ZNF385B: variants seen among roughly 807,000 people sequenced by gnomAD.
ZNF385B encodes zinc finger protein 533.
Under a neutral mutation model 39.2 loss-of-function variants are expected in ZNF385B, and 23 were observed. That is an observed-to-expected ratio of 0.59 (90% confidence interval 0.42 to 0.83). The LOEUF is 0.83. ZNF385B is among the 40% of genes least tolerant of loss of function. The pLI, the probability that ZNF385B is intolerant of heterozygous loss-of-function variation, is 0.00. For missense variants in ZNF385B, 552 were observed against 598.9 expected (o/e 0.92, Z 0.82); for synonymous variants, 205 against 222.6 (o/e 0.92, Z 0.70).
intron 3 of ZNF385B, among the ~76,000 whole-genome samples, chr2:179,565,295 T>C (rs1684429234): frequency 6.6e-6 from 1 of 152,192 alleles, no homozygotes. Context: ...CCCAATTTTC[T>C]CAGCTCACAA....
At chr2:179,858,823 ACT>A (rs1684804016) in intron 1 of ZNF385B, among the ~76,000 whole-genome samples, 1 of 152,124 alleles carries the variant, frequency 6.6e-6, no homozygotes, top group Non-Finnish European at 1.5e-5. Flanking sequence ...GTGAACAAAG[ACT>A]CACTCCTGTA....
At chr2:179,829,397 C>T (rs956924556) in intron 1 of ZNF385B, among the ~76,000 whole-genome samples, 1 of 152,130 alleles carries the variant, frequency 6.6e-6, no homozygotes, top group Non-Finnish European at 1.5e-5. Flanking sequence ...TGACCTTACA[C>T]CTTTAACAAA....
At chr2:179,555,389 A>T (rs1197879704) in intron 3 of ZNF385B, among the ~76,000 whole-genome samples, 2 of 149,402 alleles carry the variant, frequency 1.3e-5, no homozygotes, top group African/African-American at 5.1e-5. Context: ...AGGATGCCAG[A>T]AATGTTCTTT....
intron 3 of ZNF385B, among the ~76,000 whole-genome samples, chr2:179,710,671 T>C (rs575229018): frequency 1.3e-5 from 2 of 152,314 alleles, no homozygotes; most frequent in South Asian, 4.2e-4. Context: ...TTCTTGTGTC[T>C]TGTTAAATGG....
At chr2:179,833,978 G>C (rs1165414671) in intron 1 of ZNF385B, among the ~76,000 whole-genome samples, 1 of 152,008 alleles carries the variant, frequency 6.6e-6, no homozygotes, top group East Asian at 1.9e-4. Flanking sequence ...ATTAGGGAGT[G>C]GGTTATTGTA....
intron 1 of ZNF385B, among the ~76,000 whole-genome samples, chr2:179,774,191 T>A (rs888515146): frequency 4.0e-5 from 6 of 151,522 alleles, no homozygotes; most frequent in Admixed American, 1.3e-4. Context: ...GTATATGTAG[T>A]GTGTGTGTGG....
intron 3 of ZNF385B, among the ~76,000 whole-genome samples, chr2:179,689,634 C>T (rs144984166): frequency 6.6e-5 from 10 of 152,214 alleles, no homozygotes; most frequent in African/African-American, 2.2e-4. Context: ...CCTTCTAGAT[C>T]GAATATTCCC....
intron 4 of ZNF385B, among the ~76,000 whole-genome samples, chr2:179,535,257 C>T (rs1426690843): frequency 6.6e-6 from 1 of 152,114 alleles, no homozygotes; most frequent in Non-Finnish European, 1.5e-5. Context: ...AAAACAAGTA[C>T]AGGCTGACAA....
chr2:179,801,785 C>T (rs1444455630), intron 1 of ZNF385B, among the ~76,000 whole-genome samples: 2 of 152,120 alleles, frequency 1.3e-5, no homozygotes, highest in Non-Finnish European at 2.9e-5. Context: ...AAAATCACAG[C>T]ACTGTGGAGG....
At chr2:179,532,235 A>G (rs1466051250) in intron 4 of ZNF385B, among the ~76,000 whole-genome samples, 1 of 152,236 alleles carries the variant, frequency 6.6e-6, no homozygotes, top group Non-Finnish European at 1.5e-5. Context: ...TCCAGGCAAA[A>G]CTATTTCATT....
At chr2:179,619,149 A>T (rs17819812) in intron 3 of ZNF385B, among the ~76,000 whole-genome samples, 32,737 of 152,118 alleles carry the variant, frequency 0.22, 3,716 homozygotes, top group South Asian at 0.29. Context: ...ATGCCAAATG[A>T]TTCAGGCCAG....
At chr2:179,503,864 T>TA (rs2056986383) in intron 5 of ZNF385B, among the ~76,000 whole-genome samples, 2 of 149,790 alleles carry the variant, frequency 1.3e-5, no homozygotes, top group African/African-American at 4.9e-5. Context: ...CATTTTCTTT[T>TA]TTTTTTTTTC....
At chr2:179,810,628 T>C (rs1559215869) in intron 1 of ZNF385B, among the ~76,000 whole-genome samples, 2 of 151,966 alleles carry the variant, frequency 1.3e-5, no homozygotes, top group Admixed American at 6.5e-5. Context: ...CACTACAAAA[T>C]ATCTTATTCT....
At chr2:179,523,598 T>C (rs906370649) in intron 4 of ZNF385B, among the ~76,000 whole-genome samples, 8 of 152,094 alleles carry the variant, frequency 5.3e-5, no homozygotes, top group African/African-American at 1.7e-4. Context: ...CATGGGACTT[T>C]AGGCAGAGAA....
chr2:179,465,313 C>A (rs1385284931), intron 6 of ZNF385B, among the ~76,000 whole-genome samples: 1 of 152,096 alleles, frequency 6.6e-6, no homozygotes, highest in Non-Finnish European at 1.5e-5. Context: ...TGATCTAATT[C>A]AATTCAATGA....
At chr2:179,586,551 T>C (rs1181801728) in intron 3 of ZNF385B, among the ~76,000 whole-genome samples, 1 of 152,214 alleles carries the variant, frequency 6.6e-6, no homozygotes, top group African/African-American at 2.4e-5. Flanking sequence ...CTGTAGCTGT[T>C]GCCTGACTTA....
chr2:179,474,516 TG>T (rs1429440014), intron 6 of ZNF385B, among the ~76,000 whole-genome samples: 1 of 152,182 alleles, frequency 6.6e-6, no homozygotes, highest in Non-Finnish European at 1.5e-5. Flanking sequence ...TTCCCCTCTC[TG>T]GGTGTCACTT....
chr2:179,493,512 T>C (rs536570217), intron 5 of ZNF385B, among the ~76,000 whole-genome samples: 21 of 151,424 alleles, frequency 1.4e-4, no homozygotes, highest in South Asian at 2.1e-4. Context: ...CATATATGCG[T>C]ATACATATGT....
chr2:179,702,144 A>T (rs1363884444), intron 3 of ZNF385B, among the ~76,000 whole-genome samples: 2 of 152,214 alleles, frequency 1.3e-5, no homozygotes, highest in African/African-American at 4.8e-5. Context: ...CTAAAACTTA[A>T]AGTATAATAA....
Sources: allele counts gnomAD v4.1 joint callset (sites outside exome capture counted in the v4.1 genomes callset), GRCh38; gene constraint gnomAD v4.1.1; transcripts MANE v1.5; gene names NCBI Gene and HGNC (gene_info 2026-07-23, HGNC 2026-07-21).